The following LPIN2 variants were observed in gnomAD, a reference collection of about 807,000 sequenced individuals.
LPIN2 encodes phosphatidate phosphatase LPIN2.
In LPIN2, 55 loss-of-function variants were observed where a neutral mutation model predicts 111.4. The ratio of observed to expected loss-of-function variants is 0.49; its 90% CI spans 0.40 to 0.62. The LOEUF (loss-of-function observed/expected upper bound fraction) is 0.62, where lower values mean the gene tolerates loss of function less well. Among genes scored for constraint, LPIN2 ranks in the 20% least tolerant of loss-of-function variants. The probability of loss-of-function intolerance (pLI) is 0.00; values close to 1 mark genes in which losing one functional copy is unlikely to be tolerated. For missense variants in LPIN2, 992 were observed against 1,112.1 expected (o/e 0.89, Z 1.54); for synonymous variants, 425 against 414.0 (o/e 1.03, Z -0.32).
intron 4 of LPIN2, 32 bp downstream of exon 4, chr18:2,951,023 G>A (rs2077527470): frequency 7.4e-6 from 12 of 1,612,336 alleles, no homozygotes; most frequent in African/African-American, 4.0e-5. Flanking sequence ...CTAGGTACCC[G>A]CACAAGACCC....
intron 2 of LPIN2, 147 bp downstream of exon 2, chr18:2,960,502 C>T (rs2077695842): frequency 2.7e-6 from 2 of 754,552 alleles, no homozygotes; most frequent in East Asian, 5.2e-5. Flanking sequence ...ATTGTCTCAA[C>T]ATCATTCAGG....
At chr18:2,933,041 C>A (rs2077234213) in intron 8 of LPIN2, among the ~76,000 whole-genome samples, 1 of 152,124 alleles carries the variant, frequency 6.6e-6, no homozygotes, top group South Asian at 2.1e-4. Flanking sequence ...CCACCAAATA[C>A]AAAAGTGTGT....
chr18:2,943,458 G>A (rs564884473), intron 4 of LPIN2, among the ~76,000 whole-genome samples: 4 of 146,198 alleles, frequency 2.7e-5, no homozygotes, highest in Non-Finnish European at 6.1e-5. Context: ...GTGTGTGTGT[G>A]TATAAATCAA....
At chr18:2,934,587 C>G (rs1199220698) in intron 7 of LPIN2, 137 bp from the exon 8 acceptor site, 3 of 671,260 alleles carry the variant, frequency 4.5e-6, no homozygotes, top group Admixed American at 4.2e-5. Flanking sequence ...TGTCAACCAG[C>G]CTTTTTACTT....
At position 2,974,720 on chromosome 18, in the gene LPIN2, G is replaced by A. The variant is rs79316834; in HGVS notation, c.-9-13871C>T. ...CCAATTGCCATTTTAGGCTGCGTGC[G>A]TTGGCTCACACTTGTAATCCCAGCA... is the stretch of plus-strand genomic sequence containing the variant. On this transcript the variant is annotated intron_variant, in intron 1 of 19. Coordinates refer to ENST00000677752, the MANE Select transcript of LPIN2 (RefSeq NM_001375808.2). Among the ~76,000 whole-genome samples, 671 of 152,290 alleles carry A rather than the reference G, an allele frequency of 4.4e-3. 7 individuals are homozygous for A. Among genetic ancestry groups the A allele is most frequent in the African/African-American group, 0.015 (630 of 41,554 alleles).
At position 2,937,786 on chromosome 18, in the gene LPIN2, C is replaced by T. The variant is rs750095569; in HGVS notation, c.1074G>A (p.Met358Ile). ...PPLESTQISSMLDADHLPNAA... is the reference protein window; with the variant it reads ...PPLESTQISSILDADHLPNAA... The stretch of plus-strand genomic sequence containing the variant: ...CGTTGGGAAGGTGGTCAGCATCTAA[C>T]ATAGATGAAATCTGAGTACTCTCAA... The change falls in exon 7 of 20, where the codon ATG becomes ATA. Residue 358 changes from methionine (M) to isoleucine (I), a missense_variant. This residue lies in a region of LPIN2 where 709 missense variants were observed against 753.2 expected (regional missense o/e 0.94). Coordinates refer to ENST00000677752, the MANE Select transcript of LPIN2 (RefSeq NM_001375808.2). The T allele has an allele frequency of 6.8e-6, 11 of 1,614,128 alleles. No individual in the cohort carries two copies. In the Admixed American group the frequency reaches 1.8e-4, roughly 27 times the overall value.
At position 2,920,290 on chromosome 18, in the gene LPIN2, G is replaced by A. The variant is rs3745012; in HGVS notation, c.*3C>T. 451,890 of 1,613,602 alleles carry A rather than the reference G, an allele frequency of 0.28. 67,687 individuals carry two copies. The highest frequency in any genetic ancestry group is 0.59 in the East Asian group (26,399 of 44,852). ...AGCCCTGCCCACCCACTGAGGTGCCGCCTCAAGACAGGTCATCCAGGTCCA... is the reference window on the plus strand; with the variant it reads ...AGCCCTGCCCACCCACTGAGGTGCCACCTCAAGACAGGTCATCCAGGTCCA... On this transcript the variant is annotated 3_prime_UTR_variant, in exon 20 of 20. Coordinates refer to ENST00000677752, the MANE Select transcript of LPIN2 (RefSeq NM_001375808.2).
chr18:2,943,553 C>T (rs941177584), intron 4 of LPIN2, among the ~76,000 whole-genome samples: 7 of 152,036 alleles, frequency 4.6e-5, no homozygotes, highest in Non-Finnish European at 1.0e-4. Context: ...GATTAAGATA[C>T]TGTTTAGGGG....
At chr18:3,011,281 G>A (rs866235332) in intron 1 of LPIN2, among the ~76,000 whole-genome samples, 1 of 152,174 alleles carries the variant, frequency 6.6e-6, no homozygotes, top group African/African-American at 2.4e-5. Context: ...CTTCTCTTAA[G>A]CATAATGCGT....
Position 2,951,330 on chromosome 18 carries a change from G to A in LPIN2, c.315C>T (p.Thr105=). The change falls in exon 4 of 20, where the codon ACC becomes ACT. Residue 105 remains threonine, a synonymous_variant. Coordinates refer to ENST00000677752, the MANE Select transcript of LPIN2 (RefSeq NM_001375808.2). ...ACTGATCTTCAGTAGGAATTGGTGAGGTGGCAAGGTAAGCAGGAAGCTTTT... is the reference window on the plus strand; with the variant it reads ...ACTGATCTTCAGTAGGAATTGGTGAAGTGGCAAGGTAAGCAGGAAGCTTTT... ...EYEKLPAYLA[T]SPIPTEDQFF... is the part of the protein sequence containing the mutation. 6.2e-7 allele frequency: 1 copy of A among 1,614,042 alleles called. No homozygotes were observed. The highest frequency in any genetic ancestry group is 8.5e-7 in the Non-Finnish European group (1 of 1,180,010).
At chr18:2,941,007 G>A (rs2077360366) in intron 4 of LPIN2, among the ~76,000 whole-genome samples, 1 of 152,100 alleles carries the variant, frequency 6.6e-6, no homozygotes, top group East Asian at 1.9e-4. Flanking sequence ...AAGGCTTTAT[G>A]TCTATTTCAT....
Position 2,954,525 on chromosome 18 carries a change from A to C in LPIN2, c.267T>G (p.Val89=). The C allele has an allele frequency of 6.2e-7, 1 of 1,613,868 alleles. No individual in the cohort carries two copies. The highest frequency in any genetic ancestry group is 8.5e-7 in the Non-Finnish European group (1 of 1,179,724). Residue 89 remains valine, a synonymous_variant, in exon 3 of 20, where the codon GTT becomes GTG. Coordinates refer to ENST00000677752, the MANE Select transcript of LPIN2 (RefSeq NM_001375808.2). ...TTACATATTCTTCTTCAGTCTCCTC[A>C]ACAAAGAAAGCTTCTCCGTTATCAC... ...KLGDNGEAFF[V]EETEEEYEKL...
At chr18:2,927,890 G>A (rs543640834) in intron 11 of LPIN2, 79 bp from the exon 12 acceptor site, 16 of 1,165,604 alleles carry the variant, frequency 1.4e-5, no homozygotes, top group Admixed American at 5.1e-5. Flanking sequence ...CCTGAAGGAC[G>A]GGGCCTTACT....
intron 1 of LPIN2, among the ~76,000 whole-genome samples, chr18:2,984,541 G>A (rs1567853904): frequency 6.6e-6 from 1 of 151,942 alleles, no homozygotes; most frequent in South Asian, 2.1e-4. Flanking sequence ...AAGAAGGGGA[G>A]GCTAGTAGGA....
intron 1 of LPIN2, among the ~76,000 whole-genome samples, chr18:3,004,847 G>A (rs185335651): frequency 8.4e-4 from 128 of 152,232 alleles, no homozygotes; most frequent in Non-Finnish European, 1.6e-3. Flanking sequence ...TGAAACACAG[G>A]CCAAAGAACA....
Position 2,972,873 on chromosome 18 carries a change from G to A in LPIN2, c.-9-12024C>T, listed in dbSNP as rs191330341. ...GAAACTTTCTGATAATTTAATTCTT[G>A]TCTGTTCCCATCAAGGCTAAAATAT... is the stretch of plus-strand genomic sequence containing the variant. On this transcript the variant is annotated intron_variant, in intron 1 of 19. Coordinates refer to ENST00000677752, the MANE Select transcript of LPIN2 (RefSeq NM_001375808.2). Among the ~76,000 whole-genome samples the A allele has an allele frequency of 2.6e-5, 4 of 152,212 alleles. No individual in the cohort carries two copies. The East Asian group carries it at 7.7e-4, about 29-fold the overall frequency.
Position 2,951,357 on chromosome 18 carries a change from C to G in LPIN2, c.289-1G>C. 6.2e-7 allele frequency: 1 copy of G among 1,613,600 alleles called. No homozygotes were observed. The highest frequency in any genetic ancestry group is 8.5e-7 in the Non-Finnish European group (1 of 1,179,788). On this transcript the variant is annotated splice_acceptor_variant, in intron 3 of 19. Coordinates refer to ENST00000677752, the MANE Select transcript of LPIN2 (RefSeq NM_001375808.2). LOFTEE classifies it high-confidence loss of function. ...TGGCAAGGTAAGCAGGAAGCTTTTCCTTGAGGAGAATGGAGAAAGAAAAGT... is the reference window on the plus strand; with the variant it reads ...TGGCAAGGTAAGCAGGAAGCTTTTCGTTGAGGAGAATGGAGAAAGAAAAGT...
intron 5 of LPIN2, 118 bp from the exon 6 acceptor site, chr18:2,939,721 A>G (rs1309486302): frequency 7.4e-6 from 8 of 1,084,590 alleles, no homozygotes; most frequent in Admixed American, 2.0e-5. Flanking sequence ...GCATATATAA[A>G]AACTCTATGG....
At chr18:3,002,442 C>T (rs1391872880) in intron 1 of LPIN2, among the ~76,000 whole-genome samples, 1 of 152,038 alleles carries the variant, frequency 6.6e-6, no homozygotes, top group South Asian at 2.1e-4. Flanking sequence ...TTTAGTCAAA[C>T]GCTCACCTGC....
Sources: gnomAD v4.1 joint callset for allele counts (sites outside exome capture counted in the v4.1 genomes callset) on GRCh38, gnomAD v4.1.1 for gene constraint, gnomAD v4.1.1 regional missense constraint, MANE v1.5 for transcripts, NCBI Gene and HGNC (gene_info 2026-07-23, HGNC 2026-07-21) for gene names.